IQSEC1: variants seen among roughly 807,000 people sequenced by gnomAD.
IQSEC1 encodes the protein IQ motif and SEC7 domain-containing protein 1.
IQSEC1 carries 31 observed loss-of-function variants against 91.0 expected under a neutral mutation model. The observed-to-expected ratio is 0.34, with a 90% confidence interval of 0.26 to 0.46. The LOEUF is 0.46. Ranked by LOEUF, IQSEC1 falls within the 20% of genes least tolerant of loss-of-function variation. The pLI is 1.00. For synonymous variants in IQSEC1, 699 were observed against 662.6 expected (o/e 1.05, Z -0.84); for missense variants, 1,388 against 1,575.6 (o/e 0.88, Z 2.02).
In IQSEC1 at chr3:13,006,678, C is replaced by G. The variant is rs1374664159; in HGVS notation, c.24-64813G>C. Reference sequence around the variant, plus strand: ...GAAACACACGCGCACACAGCCCCCACTCTAGAGACTGCCAGCTGGTGTTGC... The same window carrying G: ...GAAACACACGCGCACACAGCCCCCAGTCTAGAGACTGCCAGCTGGTGTTGC... On this transcript the variant is annotated intron_variant, in intron 1 of 13. Transcript: ENST00000613206. Among the ~76,000 whole-genome samples, 3 of 152,398 alleles carry G rather than the reference C, an allele frequency of 2.0e-5. No homozygotes were observed. In the East Asian group the frequency reaches 5.8e-4, roughly 29 times the overall value.
Position 12,935,313 on chromosome 3 carries a change from T to C in IQSEC1, c.1568+135A>G. The C allele has an allele frequency of 1.2e-6, 1 of 838,836 alleles. No homozygotes were observed. The highest frequency in any genetic ancestry group is 2.6e-5 in the East Asian group (1 of 38,042). The allele number at this position is 838,836 out of a possible 1,614,324, so 52.0% of individuals were successfully genotyped here. On this transcript the variant is annotated intron_variant, in intron 3 of 13. Coordinates refer to ENST00000613206, the MANE Select transcript of IQSEC1 (RefSeq NM_001134382.3). The surrounding 1 kb of genome is among the most constrained non-coding windows in gnomAD (Gnocchi z 8.0). ...GCTGGCACCGTCCTAGCCACCGACC[T>C]TGTGTGGCAGCTTCCTATGCTCATA...
At chr3:13,075,561 C>A (rs192081647), upstream of IQSEC1, among the ~76,000 whole-genome samples, 1 of 152,374 alleles carries the variant, frequency 6.6e-6, no homozygotes, top group Admixed American at 6.5e-5. Flanking sequence ...CCATGACATG[C>A]ATCTGCACAT....
chr3:12,986,834 G>A, intron 1 of IQSEC1: 1 of 256,458 alleles, frequency 3.9e-6, no homozygotes. Context: ...ACCCGGCAGG[G>A]GCTTGCTGTG....
chr3:13,032,110 C>T (rs894945434), intron 1 of IQSEC1, among the ~76,000 whole-genome samples: 1 of 152,188 alleles, frequency 6.6e-6, no homozygotes, highest in Non-Finnish European at 1.5e-5. Flanking sequence ...CTCGCATACA[C>T]ACTTTCCCCC....
chr3:12,947,166 G>T (rs1699234442), intron 1 of IQSEC1, among the ~76,000 whole-genome samples: 1 of 152,222 alleles, frequency 6.6e-6, no homozygotes, highest in Non-Finnish European at 1.5e-5. Flanking sequence ...CCTCTGACAG[G>T]CTGACAAGCC....
At chr3:13,023,709 C>A (rs1278434710) in intron 1 of IQSEC1, among the ~76,000 whole-genome samples, 2 of 152,212 alleles carry the variant, frequency 1.3e-5, no homozygotes, top group East Asian at 3.8e-4. Flanking sequence ...CAGCTGCAGG[C>A]TTCTCCATCC....
chr3:13,023,139 G>A (rs1703475318), intron 1 of IQSEC1, among the ~76,000 whole-genome samples: 1 of 152,218 alleles, frequency 6.6e-6, no homozygotes, highest in African/African-American at 2.4e-5. Flanking sequence ...TTGGCAGTCT[G>A]GCTCTAAGAG....
chr3:12,987,314 G>C (rs1346129844), intron 1 of IQSEC1, among the ~76,000 whole-genome samples: 1 of 152,202 alleles, frequency 6.6e-6, no homozygotes, highest in Non-Finnish European at 1.5e-5. Flanking sequence ...GTAGCGAGAG[G>C]TATGGTACGT....
chr3:13,169,335 G>A (rs542902684), intron 1 of IQSEC1, among the ~76,000 whole-genome samples: 2 of 152,308 alleles, frequency 1.3e-5, no homozygotes, highest in South Asian at 4.1e-4. Context: ...TGATTGTGAG[G>A]CCTCCCTAGC....
At chr3:12,962,166 T>A (rs1367480392) in intron 1 of IQSEC1, among the ~76,000 whole-genome samples, 1 of 152,196 alleles carries the variant, frequency 6.6e-6, no homozygotes, top group Non-Finnish European at 1.5e-5. Flanking sequence ...TCTGAAAGGT[T>A]TCCTCTCTCA....
chr3:13,215,092 T>C (rs1227133647), intron 1 of IQSEC1, among the ~76,000 whole-genome samples: 2 of 152,086 alleles, frequency 1.3e-5, no homozygotes, highest in Non-Finnish European at 2.9e-5. Flanking sequence ...GTGCACCATC[T>C]GGCAAGGGAA....
chr3:13,142,663 TA>T (rs1173754625), intron 2 of IQSEC1, among the ~76,000 whole-genome samples: 1 of 152,258 alleles, frequency 6.6e-6, no homozygotes, highest in African/African-American at 2.4e-5. Flanking sequence ...TTTACATTTT[TA>T]AATGGTTGAA....
intron 1 of IQSEC1, among the ~76,000 whole-genome samples, chr3:13,170,510 G>A (rs1223358241): frequency 1.3e-5 from 2 of 152,186 alleles, no homozygotes; most frequent in Non-Finnish European, 2.9e-5. Flanking sequence ...TGCACCACGT[G>A]TCTGGAAAAG....
Position 12,898,494 on chromosome 3 carries a change from T to G in IQSEC1, c.*2489A>C, listed in dbSNP as rs1271304655. 1 of 152,146 alleles carries G rather than the reference T, an allele frequency of 6.6e-6. No homozygotes were observed. Among genetic ancestry groups the G allele is most frequent in the African/African-American group, 2.4e-5 (1 of 41,416 alleles). The allele number at this position is 152,146 out of a possible 1,614,324, so 9.4% of individuals were successfully genotyped here. A position where few individuals can be genotyped will look rare whatever the true frequency, so the allele number is the denominator to read the frequency against. On this transcript the variant is annotated 3_prime_UTR_variant, in exon 14 of 14. Coordinates refer to ENST00000613206, the MANE Select transcript of IQSEC1 (RefSeq NM_001134382.3). Reference sequence around the variant, plus strand: ...ACACACCGAGGACAGTGCCACAGGCTGGCAGCCCGAGGCTGTGGAGCTTGC... The same window carrying G: ...ACACACCGAGGACAGTGCCACAGGCGGGCAGCCCGAGGCTGTGGAGCTTGC...
chr3:13,076,146 T>A (rs1488150790), upstream of IQSEC1, among the ~76,000 whole-genome samples: 1 of 152,204 alleles, frequency 6.6e-6, no homozygotes, highest in Non-Finnish European at 1.5e-5. Context: ...GCAGCCAGCC[T>A]TGGGGTTGCT....
Position 12,936,022 on chromosome 3 carries a change from G to C in IQSEC1, c.994C>G (p.Leu332Val). Residue 332 changes from leucine (L) to valine (V), a missense_variant, in exon 3 of 14, where the codon CTG becomes GTG. This residue lies in a region of IQSEC1 where 1,059 missense variants were observed against 1,317.8 expected (regional missense o/e 0.80). Coordinates refer to ENST00000613206, the MANE Select transcript of IQSEC1 (RefSeq NM_001134382.3). ...TCAGCCTTGTCCTCTTTGTGGGCCA[G>C]GGCCCAGTAGTCTGGGGCTGCGCCC... ...AGGAAPDYWA[L>V]AHKEDKADTD... 1 of 1,601,628 alleles carries C rather than the reference G, an allele frequency of 6.2e-7. No individual in the cohort carries two copies. The highest frequency in any genetic ancestry group is 8.5e-7 in the Non-Finnish European group (1 of 1,179,776).
At chr3:12,913,066 A>C (rs987974646) in intron 9 of IQSEC1, among the ~76,000 whole-genome samples, 7 of 152,252 alleles carry the variant, frequency 4.6e-5, no homozygotes, top group African/African-American at 9.6e-5. Context: ...GTTGCTCAGC[A>C]GACAGGATCA....
rs1228895741 is a variant in IQSEC1, at chr3:13,271,405, C to T, written c.272+11306G>A. Among the ~76,000 whole-genome samples the T allele has an allele frequency of 2.0e-5, 3 of 152,082 alleles. No homozygotes were observed. The East Asian group carries it at 5.8e-4, about 29-fold the overall frequency. ...AAAAATAAAAAAGAAAAAGAAGACA[C>T]AACAATAATAACCTTTTGTGCACTC... On this transcript the variant is annotated intron_variant, in intron 1 of 15. Coordinates refer to the IQSEC1 transcript ENST00000648114.
chr3:13,273,160 G>T (rs962871816), intron 1 of IQSEC1, among the ~76,000 whole-genome samples: 4 of 152,196 alleles, frequency 2.6e-5, no homozygotes, highest in African/African-American at 9.7e-5. Context: ...ACAAAGACAG[G>T]TGGTGCATGT....
Sources: allele counts gnomAD v4.1 joint callset (sites outside exome capture counted in the v4.1 genomes callset), GRCh38; gene constraint gnomAD v4.1.1; regional missense constraint gnomAD v4.1.1; non-coding constraint Gnocchi (gnomAD v3.1); transcripts MANE v1.5; gene names NCBI Gene and HGNC (gene_info 2026-07-23, HGNC 2026-07-21).